The following SLC24A2 variants were observed in gnomAD, a reference collection of about 807,000 sequenced individuals.
SLC24A2 encodes the protein solute carrier family 24 member 2, also known as sodium/potassium/calcium exchanger 2.
In SLC24A2, 36 loss-of-function variants were observed where a neutral mutation model predicts 62.0. The observed-to-expected ratio is 0.58, with a 90% CI of 0.44 to 0.77. The LOEUF (loss-of-function observed/expected upper bound fraction) is 0.77, where lower values mean the gene tolerates loss of function less well. SLC24A2 is among the 30% of genes least tolerant of loss of function. The probability of loss-of-function intolerance (pLI) is 0.00; values close to 1 mark genes in which losing one functional copy is unlikely to be tolerated. For synonymous variants in SLC24A2, 358 were observed against 294.0 expected (o/e 1.22, Z -2.23); for missense variants, 846 against 817.9 (o/e 1.03, Z -0.42).
chr9:19,848,511 A>G, the SLC24A2 span, among the ~76,000 whole-genome samples: 3 of 152,224 alleles, frequency 2.0e-5, no homozygotes, highest in African/African-American at 7.2e-5. Flanking sequence ...AATGATATGT[A>G]TAGTATATGT....
the SLC24A2 span, among the ~76,000 whole-genome samples, chr9:19,942,178 T>A: frequency 2.6e-5 from 4 of 152,208 alleles, no homozygotes; most frequent in African/African-American, 4.8e-5. Context: ...ATATCTTGTT[T>A]AGTAATTTTC....
chr9:20,253,650 T>C, the SLC24A2 span, among the ~76,000 whole-genome samples: 2 of 152,186 alleles, frequency 1.3e-5, no homozygotes, highest in Admixed American at 1.3e-4. Flanking sequence ...CAGGCATCAG[T>C]ACTTTTTATT....
At chr9:19,793,581 A>G (rs564252714), upstream of SLC24A2, among the ~76,000 whole-genome samples, 1 of 152,340 alleles carries the variant, frequency 6.6e-6, no homozygotes, top group African/African-American at 2.4e-5. Context: ...CCTACCATGA[A>G]CTAGAGTGTT....
At chr9:19,529,485 C>CT (rs1833596232) in intron 8 of SLC24A2, among the ~76,000 whole-genome samples, 1 of 152,080 alleles carries the variant, frequency 6.6e-6, no homozygotes, top group South Asian at 2.1e-4. Context: ...CCATACATTT[C>CT]TTTAAATGAT....
At chr9:20,205,436 C>G in the SLC24A2 span, among the ~76,000 whole-genome samples, 1 of 151,890 alleles carries the variant, frequency 6.6e-6, no homozygotes, top group Admixed American at 6.6e-5. Flanking sequence ...ATTACAAGGT[C>G]AGGAGATCGA....
At chr9:19,641,237 T>A (rs753327353) in intron 2 of SLC24A2, among the ~76,000 whole-genome samples, 4 of 152,272 alleles carry the variant, frequency 2.6e-5, no homozygotes, top group Non-Finnish European at 5.9e-5. Flanking sequence ...CTTCTCAGTC[T>A]TGGGAACTCT....
At chr9:20,300,121 T>A in the SLC24A2 span, among the ~76,000 whole-genome samples, 650 of 152,350 alleles carry the variant, frequency 4.3e-3, 3 homozygotes, top group African/African-American at 0.015. Flanking sequence ...CAGACTTTTT[T>A]AAAATTTTTA....
chr9:20,101,614 T>A, the SLC24A2 span, among the ~76,000 whole-genome samples: 1 of 152,018 alleles, frequency 6.6e-6, no homozygotes, highest in African/African-American at 2.4e-5. Flanking sequence ...GGTGGGCAAA[T>A]TTACAAACCA....
the SLC24A2 span, among the ~76,000 whole-genome samples, chr9:19,808,496 C>G: frequency 6.6e-6 from 1 of 152,076 alleles, no homozygotes; most frequent in Non-Finnish European, 1.5e-5. The surrounding 1 kb of genome is among the most constrained non-coding windows in gnomAD (Gnocchi z 4.1). Flanking sequence ...CCGTCCAAAC[C>G]CAAAGAATGG....
chr9:19,671,480 T>C (rs1819414318), intron 2 of SLC24A2, among the ~76,000 whole-genome samples: 1 of 152,108 alleles, frequency 6.6e-6, no homozygotes, highest in Non-Finnish European at 1.5e-5. Context: ...TCTCTAGGTA[T>C]ATGATCATAT....
At chr9:20,282,768 T>A in the SLC24A2 span, among the ~76,000 whole-genome samples, 3 of 152,238 alleles carry the variant, frequency 2.0e-5, no homozygotes, top group Admixed American at 6.5e-5. Flanking sequence ...TTGAACTTTA[T>A]CATTCTAACA....
chr9:19,796,244 A>G, the SLC24A2 span, among the ~76,000 whole-genome samples: 1 of 152,088 alleles, frequency 6.6e-6, no homozygotes, highest in African/African-American at 2.4e-5. Context: ...CACGTTGTGC[A>G]CATGTACCCT....
the SLC24A2 span, among the ~76,000 whole-genome samples, chr9:20,184,881 A>G: frequency 6.6e-6 from 1 of 152,324 alleles, no homozygotes; most frequent in East Asian, 1.9e-4. Context: ...AATGGATTAA[A>G]AAAAATGTGG....
the SLC24A2 span, among the ~76,000 whole-genome samples, chr9:20,187,483 A>G: frequency 6.6e-6 from 1 of 152,182 alleles, no homozygotes; most frequent in Admixed American, 6.5e-5. Flanking sequence ...GCCTACCTCA[A>G]CAGCCTCATC....
At chr9:20,173,744 G>C in the SLC24A2 span, among the ~76,000 whole-genome samples, 5 of 151,986 alleles carry the variant, frequency 3.3e-5, no homozygotes, top group Admixed American at 3.3e-4. Flanking sequence ...TACATAGGTA[G>C]AATCAACACA....
the SLC24A2 span, among the ~76,000 whole-genome samples, chr9:20,186,434 T>C: frequency 1.3e-5 from 2 of 152,126 alleles, no homozygotes; most frequent in East Asian, 1.9e-4. Context: ...TCACCATCTG[T>C]CTTCCTGGAG....
the SLC24A2 span, among the ~76,000 whole-genome samples, chr9:20,044,143 T>C: frequency 6.6e-6 from 1 of 152,202 alleles, no homozygotes. Context: ...AAAGTATTTT[T>C]TATTGTGTAT....
intron 6 of SLC24A2, among the ~76,000 whole-genome samples, chr9:19,576,285 C>T (rs376673012): frequency 6.6e-6 from 1 of 152,292 alleles, no homozygotes. Flanking sequence ...ATTATAGTTA[C>T]AGACAGGAGA....
chr9:19,972,241 G>A, the SLC24A2 span, among the ~76,000 whole-genome samples: 1 of 152,032 alleles, frequency 6.6e-6, no homozygotes, highest in African/African-American at 2.4e-5. Flanking sequence ...GTGAGAGAGA[G>A]AGAAAGAAGG....
Sources: gnomAD v4.1 joint callset for allele counts (sites outside exome capture counted in the v4.1 genomes callset) on GRCh38, gnomAD v4.1.1 for gene constraint, Gnocchi (gnomAD v3.1) non-coding constraint, MANE v1.5 for transcripts, NCBI Gene and HGNC (gene_info 2026-07-23, HGNC 2026-07-21) for gene names.